Variants in SEPTIN9 observed in about 807,000 individuals in gnomAD.
The protein encoded by SEPTIN9 is septin 9.
A neutral mutation model predicts 56.6 loss-of-function variants in SEPTIN9; 13 were observed. That is an observed-to-expected ratio of 0.23 (90% CI 0.15 to 0.37). The LOEUF (loss-of-function observed/expected upper bound fraction) is 0.37, where lower values mean the gene tolerates loss of function less well. SEPTIN9 is among the 10% of genes least tolerant of loss of function. The pLI is 1.00. For missense variants in SEPTIN9, 650 were observed against 823.1 expected (o/e 0.79, Z 2.57); for synonymous variants, 332 against 334.1 (o/e 0.99, Z 0.07).
chr17:77,332,017 T>G (rs1303992820), intron 2 of SEPTIN9, among the ~76,000 whole-genome samples: 4 of 152,228 alleles, frequency 2.6e-5, no homozygotes, highest in Non-Finnish European at 4.4e-5. Context: ...GGCTCATGAC[T>G]GTAATCCCAG....
intron 3 of SEPTIN9, among the ~76,000 whole-genome samples, chr17:77,443,041 T>C (rs1013928705): frequency 6.6e-6 from 1 of 151,924 alleles, no homozygotes; most frequent in Admixed American, 6.6e-5. Context: ...AGTCAGTTGC[T>C]CCCAGGGAGC....
At chr17:77,431,524 G>C (rs1424048318) in intron 3 of SEPTIN9, among the ~76,000 whole-genome samples, 1 of 152,124 alleles carries the variant, frequency 6.6e-6, no homozygotes, top group African/African-American at 2.4e-5. Flanking sequence ...AACTAAAGAT[G>C]GTTTTCTCTG....
Position 77,498,670 on chromosome 17 carries a change from CCCACCCCCGGGAT to C in SEPTIN9, c.*15_*27del. 1.3e-6 allele frequency: 2 copies of C among 1,527,658 alleles called. No individual in the cohort carries two copies. Among genetic ancestry groups the C allele is most frequent in the East Asian group, 2.4e-5 (1 of 41,842 alleles). 94.6% of individuals were successfully genotyped at this position (1,527,658 alleles called of 1,614,324 possible). On this transcript the variant is annotated 3_prime_UTR_variant, in exon 12 of 12. Transcript: ENST00000427177. The stretch of plus-strand genomic sequence containing the variant: ...CCCCGGAGATGTAGACGCCACCCTG[CCCACCCCCGGGAT>C]CCTGCCCCCAAGTCATTTCCGTCCC...
In SEPTIN9 at chr17:77,429,591, C is replaced by T. The variant is rs11869706; in HGVS notation, c.721+26888C>T. On this transcript the variant is annotated intron_variant, in intron 3 of 11. Transcript: ENST00000427177. The surrounding 1 kb of genome is among the most constrained non-coding windows in gnomAD (Gnocchi z 5.2). ...AGGGGACACATCTGGGGACAGTCTC[C>T]TTCCTGGAGGAAGAAGGGCTTAGGG... is the stretch of plus-strand genomic sequence containing the variant. 3.7e-3 allele frequency among the ~76,000 whole-genome samples: 556 copies of T among 152,292 alleles called. 1 individual carries two copies. Among genetic ancestry groups the T allele is most frequent in the African/African-American group, 0.013 (526 of 41,562 alleles).
intron 1 of SEPTIN9, among the ~76,000 whole-genome samples, chr17:77,303,139 C>T (rs536375367): frequency 5.3e-5 from 8 of 151,958 alleles, no homozygotes; most frequent in East Asian, 2.0e-4. Flanking sequence ...CTTGCTCTGT[C>T]GCCCAGGCTG....
In SEPTIN9 at chr17:77,389,850, G is replaced by C. The variant is rs2144026856; in HGVS notation, c.77-12209G>C. Among the ~76,000 whole-genome samples the C allele has an allele frequency of 1.3e-5, 2 of 152,328 alleles. No homozygotes were observed. The highest frequency in any genetic ancestry group is 4.1e-4 in the South Asian group (2 of 4,834). ...CAGCCAGCAGCTGGTTTAGAACCCGGGGGTGGGGGGAGCGCTAGACCAGTG... is the reference window on the plus strand; with the variant it reads ...CAGCCAGCAGCTGGTTTAGAACCCGCGGGTGGGGGGAGCGCTAGACCAGTG... On this transcript the variant is annotated intron_variant, in intron 2 of 11. Coordinates refer to ENST00000427177, the MANE Select transcript of SEPTIN9 (RefSeq NM_001113491.2). This position sits in a 1 kb window ranked among gnomAD's most constrained non-coding sequence, Gnocchi z 4.3.
In SEPTIN9 at chr17:77,402,372, C is replaced by T. The variant is rs769409038; in HGVS notation, c.390C>T (p.Phe130=). Residue 130 remains phenylalanine, a synonymous_variant, in exon 3 of 12, where the codon TTC becomes TTT. Transcript: ENST00000427177. This position sits in a 1 kb window ranked among gnomAD's most constrained non-coding sequence, Gnocchi z 6.6. ...ENAGAIGPSR[F]GLKRAEVLGH... ...CCGGGGCCATCGGCCCGTCCCGGTT[C>T]GGGCTCAAGAGGGCCGAGGTGTTGG... 9.3e-6 allele frequency: 15 copies of T among 1,612,036 alleles called. 1 individual carries two copies. The highest frequency in any genetic ancestry group is 3.3e-5 in the South Asian group (3 of 90,988).
chr17:77,460,334 C>T (rs1050731560), intron 3 of SEPTIN9, among the ~76,000 whole-genome samples: 5 of 152,152 alleles, frequency 3.3e-5, no homozygotes, highest in East Asian at 1.9e-4. Flanking sequence ...TTGTGTGTGC[C>T]GTGCTGGGCT....
chr17:77,423,465 C>T (rs759513345), intron 3 of SEPTIN9, among the ~76,000 whole-genome samples: 2 of 152,352 alleles, frequency 1.3e-5, no homozygotes, highest in South Asian at 2.1e-4. Flanking sequence ...CTGGAGGCAG[C>T]GTTTCTGACC....
At chr17:77,485,912 C>T (rs1355832254) in intron 4 of SEPTIN9, among the ~76,000 whole-genome samples, 1 of 151,988 alleles carries the variant, frequency 6.6e-6, no homozygotes, top group Non-Finnish European at 1.5e-5. Flanking sequence ...GGTCTTGACT[C>T]ACTGCAGCCT....
intron 2 of SEPTIN9, among the ~76,000 whole-genome samples, chr17:77,354,968 T>C (rs937676318): frequency 2.6e-5 from 4 of 152,082 alleles, no homozygotes; most frequent in Non-Finnish European, 5.9e-5. Flanking sequence ...CAGCCAATAA[T>C]TGGCTGAGCC....
intron 2 of SEPTIN9, chr17:77,373,633 G>A (rs532103164): frequency 2.7e-6 from 4 of 1,509,186 alleles, no homozygotes; most frequent in African/African-American, 2.9e-5. Flanking sequence ...ACGGGGGTGC[G>A]CTGAGGGGAG....
chr17:77,452,041 G>A (rs1343796584), intron 3 of SEPTIN9, among the ~76,000 whole-genome samples: 1 of 152,202 alleles, frequency 6.6e-6, no homozygotes, highest in Non-Finnish European at 1.5e-5. Context: ...CGCGGCGCCG[G>A]CACTGGGATC....
rs936035127 is a variant in SEPTIN9 at position 77,500,513 on chromosome 17, C to T, written c.*1855C>T. 2.9e-5 allele frequency: 6 copies of T among 210,222 alleles called. No individual in the cohort carries two copies. Among genetic ancestry groups the T allele is most frequent in the South Asian group, 1.9e-4 (1 of 5,320 alleles). 13.0% of individuals were successfully genotyped at this position (210,222 alleles called of 1,614,324 possible). ...CAATGGCCTTTTGCTACGTGCCTCC[C>T]GAGAAATTTGTCTTTTTGTATAAAT... On this transcript the variant is annotated 3_prime_UTR_variant, in exon 12 of 12. Coordinates refer to ENST00000427177, the MANE Select transcript of SEPTIN9 (RefSeq NM_001113491.2).
chr17:77,348,865 G>A (rs143913813), intron 2 of SEPTIN9, among the ~76,000 whole-genome samples: 12 of 152,222 alleles, frequency 7.9e-5, no homozygotes, highest in Non-Finnish European at 1.6e-4. Flanking sequence ...ACAGCCCCAT[G>A]CATTTTAAAG....
chr17:77,302,947 C>T (rs1182812316), intron 1 of SEPTIN9, among the ~76,000 whole-genome samples: 1 of 152,028 alleles, frequency 6.6e-6, no homozygotes, highest in Non-Finnish European at 1.5e-5. Context: ...TCTCCAGGAC[C>T]AGGGAGCCCC....
chr17:77,337,641 G>C (rs1257173002), intron 2 of SEPTIN9, among the ~76,000 whole-genome samples: 1 of 151,844 alleles, frequency 6.6e-6, no homozygotes, highest in Non-Finnish European at 1.5e-5. Flanking sequence ...TTTCTACTAG[G>C]AAAGGTGATT....
intron 2 of SEPTIN9, among the ~76,000 whole-genome samples, chr17:77,364,297 A>G (rs1181969737): frequency 6.6e-6 from 1 of 152,242 alleles, no homozygotes; most frequent in African/African-American, 2.4e-5. Flanking sequence ...GCATGGGGGC[A>G]CTGCAGGGCA....
At chr17:77,493,130 C>G in intron 10 of SEPTIN9, 54 bp downstream of exon 10, 1 of 1,392,046 alleles carries the variant, frequency 7.2e-7, no homozygotes, top group Non-Finnish European at 1.0e-6. Flanking sequence ...GTCTCTTCTG[C>G]TGACCCAGAG....
Sources: allele counts gnomAD v4.1 joint callset (sites outside exome capture counted in the v4.1 genomes callset), GRCh38; gene constraint gnomAD v4.1.1; non-coding constraint Gnocchi (gnomAD v3.1); transcripts MANE v1.5; gene names NCBI Gene and HGNC (gene_info 2026-07-23, HGNC 2026-07-21).